UMAD1: variants seen among roughly 807,000 people sequenced by gnomAD.
The protein encoded by UMAD1 is UBAP1-MVB12-associated (UMA) domain containing 1.
A neutral mutation model predicts 6.1 loss-of-function variants in UMAD1; 8 were observed. That is an observed-to-expected ratio of 1.30 (90% CI 0.76 to 2.35). The LOEUF is 2.35. Ranked by LOEUF, UMAD1 falls within the 30% of genes most tolerant of loss-of-function variation. UMAD1 has a pLI of 0.00. For missense variants in UMAD1, 130 were observed against 78.4 expected, an observed-to-expected ratio of 1.66 and a Z score of -2.49; for synonymous variants, 56 against 31.4, an observed-to-expected ratio of 1.78 and a Z score of -2.61.
intron 1 of UMAD1, among the ~76,000 whole-genome samples, chr7:7,663,531 A>T (rs1785529689): frequency 6.6e-6 from 1 of 152,192 alleles, no homozygotes; most frequent in Non-Finnish European, 1.5e-5. Flanking sequence ...GAGAGTCTTT[A>T]TGTAATACTA....
At chr7:7,740,374 C>A (rs1781438853) in intron 2 of UMAD1, among the ~76,000 whole-genome samples, 1 of 152,200 alleles carries the variant, frequency 6.6e-6, no homozygotes, top group South Asian at 2.1e-4. Context: ...AATGGAATTG[C>A]AAGATTACTT....
chr7:7,698,702 T>C (rs987715247), intron 2 of UMAD1, among the ~76,000 whole-genome samples: 1 of 152,076 alleles, frequency 6.6e-6, no homozygotes, highest in Non-Finnish European at 1.5e-5. Context: ...CAACCTTCTT[T>C]CTCCAGCTCT....
intron 2 of UMAD1, among the ~76,000 whole-genome samples, chr7:7,724,430 A>G (rs190156018): frequency 2.8e-4 from 43 of 152,264 alleles, no homozygotes; most frequent in African/African-American, 9.9e-4. Context: ...GAACCCCCAC[A>G]TTGGCTCCCT....
chr7:7,718,237 G>C (rs1780966204), intron 2 of UMAD1, among the ~76,000 whole-genome samples: 1 of 151,920 alleles, frequency 6.6e-6, no homozygotes, highest in Non-Finnish European at 1.5e-5. Context: ...TATCCCCAAG[G>C]GTATTTTGAA....
chr7:7,866,500 G>A (rs1230732204), intron 3 of UMAD1, among the ~76,000 whole-genome samples: 1 of 152,156 alleles, frequency 6.6e-6, no homozygotes, highest in African/African-American at 2.4e-5. Flanking sequence ...CAAGATGAAG[G>A]GAGTAGAAGA....
chr7:7,767,128 C>CTTGTTTTTTTTTTTTTTTTTTTTTTTTT (rs1782001075), intron 2 of UMAD1, among the ~76,000 whole-genome samples: 1 of 129,794 alleles, frequency 7.7e-6, no homozygotes, highest in African/African-American at 2.7e-5. Context: ...AAATTAAGCT[C>CTTGTTTTTTTTTTTTTTTTTTTTTTTTT]TTTTTTTTTT....
At chr7:7,694,737 A>G (rs1291219344) in intron 2 of UMAD1, among the ~76,000 whole-genome samples, 1 of 152,196 alleles carries the variant, frequency 6.6e-6, no homozygotes, top group African/African-American at 2.4e-5. Flanking sequence ...TTATGGCTGA[A>G]TAGTACTCCA....
At chr7:7,832,245 T>C (rs2115305688) in intron 3 of UMAD1, among the ~76,000 whole-genome samples, 1 of 152,274 alleles carries the variant, frequency 6.6e-6, no homozygotes, top group Non-Finnish European at 1.5e-5. Flanking sequence ...GTTTCAAAGG[T>C]TTTATTGGTT....
chr7:7,655,739 T>A (rs1160895924), intron 1 of UMAD1, among the ~76,000 whole-genome samples: 1 of 152,212 alleles, frequency 6.6e-6, no homozygotes, highest in Non-Finnish European at 1.5e-5. Flanking sequence ...AGTGTTAAAT[T>A]AGAGGACAGG....
At chr7:7,757,810 C>T (rs1409573016) in intron 2 of UMAD1, among the ~76,000 whole-genome samples, 1 of 152,130 alleles carries the variant, frequency 6.6e-6, no homozygotes, top group East Asian at 1.9e-4. Flanking sequence ...GCTTTCAATG[C>T]CTGGTACGTA....
chr7:7,647,303 C>A (rs1785119333), intron 1 of UMAD1, among the ~76,000 whole-genome samples: 1 of 152,054 alleles, frequency 6.6e-6, no homozygotes, highest in Non-Finnish European at 1.5e-5. Context: ...TGATAATTCC[C>A]AGTGAAACTG....
rs1784403049 is a variant in UMAD1 at position 7,875,631 on chromosome 7, C to CT, written c.157-1649dup. On this transcript the variant is annotated intron_variant, in intron 3 of 3. Coordinates refer to ENST00000682710, the MANE Select transcript of UMAD1 (RefSeq NM_001302348.2). ...CCTGGACACATACACCCTTCCAACA[C>CT]TAAAGCAGGAAGAAGTCGAATCCCT... is the stretch of plus-strand genomic sequence containing the variant. Among the ~76,000 whole-genome samples the CT allele has an allele frequency of 3.3e-5, 5 of 152,332 alleles. 1 individual carries two copies. In the South Asian group the frequency reaches 1.0e-3, roughly 32 times the overall value.
chr7:7,654,009 G>A (rs1239676366), intron 1 of UMAD1, among the ~76,000 whole-genome samples: 1 of 152,174 alleles, frequency 6.6e-6, no homozygotes, highest in Non-Finnish European at 1.5e-5. Context: ...AGTAGATTGA[G>A]GGGAGACTTT....
chr7:7,831,251 G>A (rs528600805), intron 3 of UMAD1, among the ~76,000 whole-genome samples: 24 of 152,162 alleles, frequency 1.6e-4, no homozygotes, highest in Admixed American at 6.5e-4. Flanking sequence ...AGTTGCTGTC[G>A]CCAGGATATT....
At chr7:7,797,252 G>T (rs563474032) in intron 2 of UMAD1, among the ~76,000 whole-genome samples, 26 of 152,256 alleles carry the variant, frequency 1.7e-4, no homozygotes, top group African/African-American at 6.3e-4. Context: ...TTACCACAGG[G>T]AGGGTACTTC....
chr7:7,723,005 A>G (rs535536744), intron 2 of UMAD1, among the ~76,000 whole-genome samples: 34 of 150,526 alleles, frequency 2.3e-4, no homozygotes, highest in African/African-American at 8.1e-4. Context: ...CTGAGGAGAT[A>G]AACCCTGCAC....
chr7:7,734,277 T>C (rs77844085), intron 2 of UMAD1, among the ~76,000 whole-genome samples: 2 of 152,284 alleles, frequency 1.3e-5, no homozygotes, highest in East Asian at 1.9e-4. Flanking sequence ...TAGACTGTTA[T>C]ATTTACCCTA....
At chr7:7,771,671 A>G (rs1327715920) in intron 2 of UMAD1, among the ~76,000 whole-genome samples, 9 of 152,184 alleles carry the variant, frequency 5.9e-5, no homozygotes. Context: ...TGTTTCTACA[A>G]ACAATCTTCT....
At chr7:7,677,919 C>G (rs369152073) in intron 2 of UMAD1, among the ~76,000 whole-genome samples, 1 of 151,624 alleles carries the variant, frequency 6.6e-6, no homozygotes, top group Admixed American at 6.6e-5. Flanking sequence ...GTGATCCGCC[C>G]GCCTCGGCCT....
Sources: gnomAD v4.1 joint callset for allele counts (sites outside exome capture counted in the v4.1 genomes callset) on GRCh38, gnomAD v4.1.1 for gene constraint, MANE v1.5 for transcripts, NCBI Gene and HGNC (gene_info 2026-07-23, HGNC 2026-07-21) for gene names.